The following AKAP6 variants were observed in gnomAD, a reference collection of about 807,000 sequenced individuals.
The protein encoded by AKAP6 is A-kinase anchoring protein 6, also known as A-kinase anchor protein 6.
In AKAP6, 58 loss-of-function variants were observed where a neutral mutation model predicts 188.5. That is an observed-to-expected ratio of 0.31 (90% CI 0.25 to 0.38). The LOEUF (loss-of-function observed/expected upper bound fraction) is 0.38, where lower values mean the gene tolerates loss of function less well. Ranked by LOEUF, AKAP6 falls within the 10% of genes least tolerant of loss-of-function variation. The pLI is 1.00. For missense variants in AKAP6, 2,710 were observed against 2,740.0 expected, an observed-to-expected ratio of 0.99 and a Z score of 0.24; for synonymous variants, 989 against 998.6, an observed-to-expected ratio of 0.99 and a Z score of 0.18.
chr14:32,786,195 CTGT>C (rs1416970185), intron 12 of AKAP6, among the ~76,000 whole-genome samples: 2 of 151,108 alleles, frequency 1.3e-5, no homozygotes, highest in African/African-American at 4.9e-5. Flanking sequence ...TTTTGGTGCA[CTGT>C]TACTTTCATG....
Position 32,712,902 on chromosome 14 carries a change from A to G in AKAP6, c.3000+16792A>G, listed in dbSNP as rs114926813. ...ATGAATTTCAAATGTTGTTAATGGC[A>G]TCTAGAATGGTGAAGCCTTTTCAGA... On this transcript the variant is annotated intron_variant, in intron 9 of 13. Transcript: ENST00000280979. Among the ~76,000 whole-genome samples the G allele has an allele frequency of 6.5e-3, 996 of 152,176 alleles. 13 individuals are homozygous for G. The highest frequency in any genetic ancestry group is 0.023 in the African/African-American group (963 of 41,528).
At chr14:32,714,871 G>A (rs769552357) in intron 9 of AKAP6, among the ~76,000 whole-genome samples, 7 of 151,696 alleles carry the variant, frequency 4.6e-5, no homozygotes, top group Non-Finnish European at 1.0e-4. Context: ...TGGATGTCAT[G>A]GCAAATATGA....
chr14:32,815,871 C>T (rs2034365738), intron 12 of AKAP6, among the ~76,000 whole-genome samples: 1 of 151,998 alleles, frequency 6.6e-6, no homozygotes, highest in Non-Finnish European at 1.5e-5. Flanking sequence ...TGTAATTGTC[C>T]CAAGATAAAC....
intron 9 of AKAP6, among the ~76,000 whole-genome samples, chr14:32,705,631 A>G (rs1890782919): frequency 6.6e-6 from 1 of 152,138 alleles, no homozygotes; most frequent in South Asian, 2.1e-4. Flanking sequence ...TGAGCCAAAA[A>G]CATAAAGAGG....
chr14:32,348,417 CTTTTT>C (rs71115063), intron 1 of AKAP6, among the ~76,000 whole-genome samples: 4 of 126,164 alleles, frequency 3.2e-5, no homozygotes, highest in South Asian at 5.3e-4. Flanking sequence ...TCTTTTGTTT[CTTTTT>C]TTTTTTTTTT....
chr14:32,803,355 C>T (rs552201162), intron 12 of AKAP6, among the ~76,000 whole-genome samples: 5 of 151,618 alleles, frequency 3.3e-5, no homozygotes, highest in East Asian at 3.9e-4. Context: ...CTGATCATGT[C>T]GGGTATACAT....
intron 4 of AKAP6, among the ~76,000 whole-genome samples, chr14:32,551,152 A>G (rs990564359): frequency 5.3e-5 from 8 of 152,094 alleles, no homozygotes; most frequent in Admixed American, 6.5e-5. Flanking sequence ...TGCCTTTAGG[A>G]TCATTGTCAG....
At chr14:32,540,709 G>A (rs1882909767) in intron 3 of AKAP6, among the ~76,000 whole-genome samples, 1 of 152,120 alleles carries the variant, frequency 6.6e-6, no homozygotes, top group African/African-American at 2.4e-5. Flanking sequence ...GATGTGGAGG[G>A]AAGCAACAGA....
chr14:32,760,593 G>C (rs76772973), intron 11 of AKAP6, among the ~76,000 whole-genome samples: 7 of 152,186 alleles, frequency 4.6e-5, no homozygotes, highest in Non-Finnish European at 1.0e-4. Context: ...TGGCATAAAT[G>C]AAAGTACTAC....
Position 32,546,700 on chromosome 14 carries a change from A to G in AKAP6, c.2047A>G (p.Thr683Ala). 1 of 1,614,072 alleles carries G rather than the reference A, an allele frequency of 6.2e-7. No individual in the cohort carries two copies. Among genetic ancestry groups the G allele is most frequent in the Non-Finnish European group, 8.5e-7 (1 of 1,180,008 alleles). The change falls in exon 4 of 14, where the codon ACC becomes GCC. Residue 683 changes from threonine to alanine, a missense_variant. Transcript: ENST00000280979. ...GAATTCAGATTCTGAAATCTATCCA[A>G]CCTATCATGTCAAAAAGAAGCATAC... ...EMNSDSEIYP[T>A]YHVKKKHTRL...
At chr14:32,809,193 C>T (rs1248771177) in intron 12 of AKAP6, among the ~76,000 whole-genome samples, 1 of 152,090 alleles carries the variant, frequency 6.6e-6, no homozygotes, top group Non-Finnish European at 1.5e-5. Flanking sequence ...TGAAATAAAA[C>T]AGACAGAGAC....
At chr14:32,415,701 C>T (rs2138662339) in intron 1 of AKAP6, among the ~76,000 whole-genome samples, 1 of 152,238 alleles carries the variant, frequency 6.6e-6, no homozygotes, top group African/African-American at 2.4e-5. Flanking sequence ...TCATTCTTCC[C>T]TTAGCCCCTG....
chr14:32,348,413 G>GTTTTT (rs1288046532), intron 1 of AKAP6, among the ~76,000 whole-genome samples: 1 of 69,522 alleles, frequency 1.4e-5, no homozygotes, highest in African/African-American at 8.5e-5. Context: ...CTTTTCTTTT[G>GTTTTT]TTTCTTTTTT....
chr14:32,728,584 A>G (rs766891309), intron 9 of AKAP6, among the ~76,000 whole-genome samples: 6 of 152,184 alleles, frequency 3.9e-5, no homozygotes, highest in Non-Finnish European at 4.4e-5. Context: ...AATATGGTGT[A>G]AGATGTAAAT....
intron 12 of AKAP6, among the ~76,000 whole-genome samples, chr14:32,796,914 A>G (rs528130700): frequency 3.9e-5 from 6 of 152,340 alleles, no homozygotes; most frequent in Non-Finnish European, 8.8e-5. Flanking sequence ...CAAAGGTCTA[A>G]TACCCTGAGT....
chr14:32,682,710 G>GA (rs1248432706), intron 8 of AKAP6, among the ~76,000 whole-genome samples: 2 of 152,108 alleles, frequency 1.3e-5, no homozygotes, highest in African/African-American at 4.8e-5. Context: ...CTTTTAAGTA[G>GA]AAAAAAGCCA....
At chr14:32,627,575 C>T (rs1327200476) in intron 7 of AKAP6, among the ~76,000 whole-genome samples, 3 of 152,072 alleles carry the variant, frequency 2.0e-5, no homozygotes, top group Admixed American at 1.3e-4. Context: ...TCTCAGGAGC[C>T]TTCCAAGACA....
At chr14:32,715,398 A>G (rs1026143755) in intron 9 of AKAP6, among the ~76,000 whole-genome samples, 1 of 152,008 alleles carries the variant, frequency 6.6e-6, no homozygotes, top group Non-Finnish European at 1.5e-5. Flanking sequence ...AACCAAATAA[A>G]GGGAGGTTAT....
chr14:32,817,465 G>GTCTGTGTC (rs879889496), intron 12 of AKAP6, among the ~76,000 whole-genome samples: 4 of 122,614 alleles, frequency 3.3e-5, no homozygotes, highest in East Asian at 2.5e-4. Flanking sequence ...GTGTGTGTGT[G>GTCTGTGTC]TGTGTGTGTG....
Sources: allele counts gnomAD v4.1 joint callset (sites outside exome capture counted in the v4.1 genomes callset), GRCh38; gene constraint gnomAD v4.1.1; transcripts MANE v1.5; gene names NCBI Gene and HGNC (gene_info 2026-07-23, HGNC 2026-07-21).